Variants in PSMA8 observed in about 807,000 individuals in gnomAD.
PSMA8 encodes proteasome subunit alpha-type 8.
In PSMA8, 18 loss-of-function variants were observed where a neutral mutation model predicts 32.4. The observed-to-expected ratio is 0.56, with a 90% CI of 0.38 to 0.82. PSMA8 has a LOEUF of 0.82. Among genes scored for constraint, PSMA8 ranks in the 40% least tolerant of loss-of-function variants. The probability of loss-of-function intolerance (pLI) is 0.00; values close to 1 mark genes in which losing one functional copy is unlikely to be tolerated. For missense variants in PSMA8, 298 were observed against 300.7 expected, an observed-to-expected ratio of 0.99 and a Z score of 0.07; for synonymous variants, 104 against 98.1, an observed-to-expected ratio of 1.06 and a Z score of -0.36.
At chr18:26,150,246 A>G (rs570677067) in intron 2 of PSMA8, among the ~76,000 whole-genome samples, 150 of 152,350 alleles carry the variant, frequency 9.8e-4, no homozygotes, top group Admixed American at 4.1e-3. Context: ...TACATATTTC[A>G]GAGCACTTGA....
rs576056454 is a variant in PSMA8 at position 26,158,052 on chromosome 18, A to G, written c.355-70A>G. On this transcript the variant is annotated intron_variant, in intron 3 of 6. Transcript: ENST00000415576. ...AGGGAAGTGGATCATTTGGGCAGCAATGCTTTATTATTAGAATTTTTATTT... is the reference window on the plus strand; with the variant it reads ...AGGGAAGTGGATCATTTGGGCAGCAGTGCTTTATTATTAGAATTTTTATTT... The G allele has an allele frequency of 2.4e-5, 25 of 1,059,832 alleles. No individual in the cohort carries two copies. The African/African-American group carries it at 3.1e-4, about 13-fold the overall frequency. 65.7% of individuals were successfully genotyped at this position (1,059,832 alleles called of 1,614,324 possible).
intron 6 of PSMA8, among the ~76,000 whole-genome samples, chr18:26,186,248 CAAAAA>C (rs534639436): frequency 2.8e-3 from 78 of 27,820 alleles, no homozygotes; most frequent in African/African-American, 4.9e-3. Context: ...GACTCTGTCT[CAAAAA>C]AAAAAAAAAA....
chr18:26,171,046 T>G, intron 4 of PSMA8: 1 of 1,558,438 alleles, frequency 6.4e-7, no homozygotes, highest in Non-Finnish European at 8.6e-7. Flanking sequence ...GGAGGTTCCT[T>G]GAGTTCTCTG....
At chr18:26,144,812 A>G (rs2054989561) in intron 2 of PSMA8, 127 bp downstream of exon 2, 1 of 805,032 alleles carries the variant, frequency 1.2e-6, no homozygotes, top group South Asian at 2.9e-5. Flanking sequence ...AATATATCCT[A>G]CGTTTTAAAG....
At chr18:26,159,757 C>T (rs2055120610) in intron 4 of PSMA8, among the ~76,000 whole-genome samples, 1 of 151,884 alleles carries the variant, frequency 6.6e-6, no homozygotes, top group African/African-American at 2.4e-5. Flanking sequence ...AAACTCTGCT[C>T]TGCTCTGGTG....
intron 3 of PSMA8, among the ~76,000 whole-genome samples, chr18:26,155,904 T>G (rs531036422): frequency 6.6e-6 from 1 of 152,266 alleles, no homozygotes; most frequent in South Asian, 2.1e-4. Flanking sequence ...AAATATTCAT[T>G]TGACAAGGGA....
chr18:26,182,396 G>T (rs2055319089), intron 6 of PSMA8, among the ~76,000 whole-genome samples: 1 of 152,144 alleles, frequency 6.6e-6, no homozygotes, highest in Non-Finnish European at 1.5e-5. Context: ...TAATGCAGCT[G>T]GTAACTTTAA....
chr18:26,158,390 A>T, intron 4 of PSMA8, 146 bp downstream of exon 4: 1 of 701,392 alleles, frequency 1.4e-6, no homozygotes, highest in East Asian at 3.0e-5. Flanking sequence ...CAGAAACTAC[A>T]ATGATTTTGG....
chr18:26,151,174 A>G lies in PSMA8; in HGVS notation c.230-684A>G, dbSNP rs148759444. On this transcript the variant is annotated intron_variant, in intron 2 of 6. Transcript: ENST00000415576. ...AGGGAAACAAGAATTTGTGACAGCA[A>G]AAGACCAGTGATTTTGTTAGAAATG... Among the ~76,000 whole-genome samples, 68 of 152,318 alleles carry G rather than the reference A, an allele frequency of 4.5e-4. No homozygotes were observed. The East Asian group carries it at 0.013, about 29-fold the overall frequency.
chr18:26,160,353 C>G (rs755737403), intron 4 of PSMA8, among the ~76,000 whole-genome samples: 8 of 152,172 alleles, frequency 5.3e-5, no homozygotes, highest in Non-Finnish European at 5.9e-5. Flanking sequence ...TGAATTAGAA[C>G]TCAAGATGTT....
At position 26,169,769 on chromosome 18, in the gene PSMA8, T is replaced by G. The variant is rs1161083095; in HGVS notation, c.478-9061T>G. Among the ~76,000 whole-genome samples the G allele has an allele frequency of 5.5e-5, 7 of 127,592 alleles. 1 individual carries two copies. In the East Asian group the frequency reaches 1.6e-3, roughly 29 times the overall value. The allele number at this position is 127,592 out of a possible 152,430, so 83.7% of individuals were successfully genotyped here. A position where few individuals can be genotyped will look rare whatever the true frequency, so the allele number is the denominator to read the frequency against. On this transcript the variant is annotated intron_variant, in intron 4 of 6. Coordinates refer to ENST00000415576, the MANE Select transcript of PSMA8 (RefSeq NM_001025096.2). Reference sequence around the variant, plus strand: ...CTGAGGCAGGAGAATCGCTTGAATCTGGGAAGGCGGAGGTTGCAGTAAGCC... The same window carrying G: ...CTGAGGCAGGAGAATCGCTTGAATCGGGGAAGGCGGAGGTTGCAGTAAGCC...
intron 2 of PSMA8, among the ~76,000 whole-genome samples, chr18:26,146,170 T>G (rs1357888460): frequency 6.6e-6 from 1 of 151,966 alleles, no homozygotes; most frequent in Non-Finnish European, 1.5e-5. Context: ...CTCTTGTCTT[T>G]TTTTTTTTCC....
At chr18:26,188,282 G>T (rs2055372683) in intron 6 of PSMA8, among the ~76,000 whole-genome samples, 1 of 147,240 alleles carries the variant, frequency 6.8e-6, no homozygotes, top group Non-Finnish European at 1.5e-5. Flanking sequence ...GGAATACAGT[G>T]AAAGCATTAC....
At chr18:26,151,593 T>C (rs920653388) in intron 2 of PSMA8, among the ~76,000 whole-genome samples, 6 of 152,342 alleles carry the variant, frequency 3.9e-5, no homozygotes, top group Middle Eastern at 3.4e-3. Context: ...TTCATAAGAA[T>C]AAATCAAGTT....
intron 4 of PSMA8, among the ~76,000 whole-genome samples, chr18:26,172,641 A>G (rs892129921): frequency 6.6e-6 from 1 of 152,154 alleles, no homozygotes; most frequent in Non-Finnish European, 1.5e-5. Flanking sequence ...CCAATCCATT[A>G]TTATTTAATA....
chr18:26,179,070 T>C lies in PSMA8; in HGVS notation c.600T>C (p.Val200=), dbSNP rs1568069246. The part of the protein sequence containing the change: ...IKLAIKALLE[V]VQSGGKNIEL... ...ATAGTGTACTTGTTCTACATTAGGT[T>C]GTCCAGTCTGGTGGAAAAAACATTG... Residue 200 remains valine, a splice_region_variant and synonymous_variant, in exon 6 of 7, where the codon GTT becomes GTC. Transcript: ENST00000415576. The C allele has an allele frequency of 6.2e-7, 1 of 1,613,310 alleles. No homozygotes were observed. Among genetic ancestry groups the C allele is most frequent in the Non-Finnish European group, 8.5e-7 (1 of 1,179,584 alleles).
intron 1 of PSMA8, among the ~76,000 whole-genome samples, chr18:26,135,075 G>C (rs1449298432): frequency 6.6e-6 from 1 of 152,106 alleles, no homozygotes; most frequent in Non-Finnish European, 1.5e-5. Context: ...TTCCTTGAGA[G>C]ATTACACCCT....
chr18:26,139,550 A>AATT (rs1277229850), intron 1 of PSMA8, among the ~76,000 whole-genome samples: 1 of 152,170 alleles, frequency 6.6e-6, no homozygotes, highest in Non-Finnish European at 1.5e-5. Context: ...TTTGGCTGGA[A>AATT]ATAATAATTT....
In PSMA8 at chr18:26,144,596, T is replaced by A. The variant is rs147712923; in HGVS notation, c.140T>A (p.Val47Glu). Reference sequence around the variant, plus strand: ...GGTACCAATATAGTTGTTCTTGGGGTAGAAAAAAAATCTGTTGCCAAGCTT... The same window carrying A: ...GGTACCAATATAGTTGTTCTTGGGGAAGAAAAAAAATCTGTTGCCAAGCTT... ...IRGTNIVVLG[V>E]EKKSVAKLQD... is the part of the protein sequence containing the mutation. Residue 47 changes from valine to glutamate, a missense_variant, in exon 2 of 7, where the codon GTA becomes GAA. Transcript: ENST00000415576. The A allele has an allele frequency of 6.2e-7, 1 of 1,613,546 alleles. No homozygotes were observed. Among genetic ancestry groups the A allele is most frequent in the African/African-American group, 1.3e-5 (1 of 75,012 alleles).
Sources: gnomAD v4.1 joint callset for allele counts (sites outside exome capture counted in the v4.1 genomes callset) on GRCh38, gnomAD v4.1.1 for gene constraint, MANE v1.5 for transcripts, NCBI Gene and HGNC (gene_info 2026-07-23, HGNC 2026-07-21) for gene names.